Variants in ALKBH3 observed in about 807,000 individuals in gnomAD.
The protein encoded by ALKBH3 is alkB homolog 3, alpha-ketoglutarate dependent dioxygenase.
A neutral mutation model predicts 43.9 loss-of-function variants in ALKBH3; 51 were observed. The observed-to-expected ratio is 1.16, with a 90% CI of 0.93 to 1.47. The LOEUF (loss-of-function observed/expected upper bound fraction) is 1.47. Among genes scored for constraint, ALKBH3 ranks in the 40% most tolerant of loss-of-function variants. The pLI is 0.00. For missense variants in ALKBH3, 361 were observed against 351.9 expected (o/e 1.03, Z -0.21); for synonymous variants, 102 against 115.2 (o/e 0.89, Z 0.73).
chr11:43,919,907 T>TTTCCA lies in ALKBH3; in HGVS notation c.769-8_769-4dup. The TTTCCA allele has an allele frequency of 2.5e-6, 4 of 1,611,628 alleles. No individual in the cohort carries two copies. The highest frequency in any genetic ancestry group is 3.4e-6 in the Non-Finnish European group (4 of 1,177,724). ...TGTATTTATGTCAGAGTTATGTGTA[T>TTTCCA]TTCCATTTAGCATCGAGTGCCCAAA... On this transcript the variant is annotated splice_polypyrimidine_tract_variant and intron_variant, in intron 9 of 9. Coordinates refer to ENST00000302708, the MANE Select transcript of ALKBH3 (RefSeq NM_139178.4).
intron 5 of ALKBH3, among the ~76,000 whole-genome samples, chr11:43,887,066 C>A (rs1690892008): frequency 6.6e-6 from 1 of 152,008 alleles, no homozygotes; most frequent in Middle Eastern, 3.2e-3. Context: ...CAAAAGCGTA[C>A]CTATATAACA....
chr11:43,884,153 T>C lies in ALKBH3; in HGVS notation c.218+136T>C, dbSNP rs1951732348. ...AACTGTAGTCTGGGATATTCCCATCTCAAATGTCTTTAAACTTGATCTTTT... is the reference window on the plus strand; with the variant it reads ...AACTGTAGTCTGGGATATTCCCATCCCAAATGTCTTTAAACTTGATCTTTT... On this transcript the variant is annotated intron_variant, in intron 4 of 9. Transcript: ENST00000302708. The C allele has an allele frequency of 2.9e-6, 3 of 1,026,878 alleles. No homozygotes were observed. The African/African-American group carries it at 4.9e-5, about 17-fold the overall frequency. 63.6% of individuals were successfully genotyped at this position (1,026,878 alleles called of 1,614,324 possible). A position where few individuals can be genotyped will look rare whatever the true frequency, so the allele number is the denominator to read the frequency against.
At chr11:43,885,139 A>G (rs902957181) in intron 4 of ALKBH3, among the ~76,000 whole-genome samples, 4 of 152,190 alleles carry the variant, frequency 2.6e-5, no homozygotes, top group African/African-American at 9.7e-5. Context: ...GTTGTAAGCT[A>G]CAGATGTGAC....
At chr11:43,903,706 ACTGTT>A (rs1478113077) in intron 8 of ALKBH3, among the ~76,000 whole-genome samples, 10 of 152,148 alleles carry the variant, frequency 6.6e-5, no homozygotes, top group Non-Finnish European at 1.3e-4. Flanking sequence ...GTATTCAGTT[ACTGTT>A]TCTTTACACA....
At chr11:43,898,258 G>A (rs1161410212) in intron 7 of ALKBH3, 2 of 796,692 alleles carry the variant, frequency 2.5e-6, no homozygotes, top group East Asian at 2.4e-5. Context: ...AATTCCAAAA[G>A]ATGAGCATAT....
chr11:43,886,776 A>G (rs1951749513), intron 5 of ALKBH3, 123 bp downstream of exon 5: 1 of 934,482 alleles, frequency 1.1e-6, no homozygotes, highest in Non-Finnish European at 1.6e-6. Flanking sequence ...TGCAGCCATT[A>G]AAAGGAATGA....
chr11:43,917,972 TCTTTGTAAA>T (rs1951997199), intron 8 of ALKBH3, among the ~76,000 whole-genome samples: 1 of 152,192 alleles, frequency 6.6e-6, no homozygotes, highest in South Asian at 2.1e-4. Context: ...CTAGGGAAAA[TCTTTGTAAA>T]CAGTTAAGTT....
intron 7 of ALKBH3, chr11:43,897,995 C>T: frequency 3.6e-6 from 3 of 822,776 alleles, no homozygotes; most frequent in Admixed American, 1.7e-5. Context: ...ATCACGCCCT[C>T]TTCAGAGACA....
Position 43,901,694 on chromosome 11 carries a change from G to A in ALKBH3, c.638G>A (p.Arg213His), listed in dbSNP as rs776707628. The change falls in exon 8 of 10, where the codon CGC becomes CAC. Residue 213 changes from arginine (R) to histidine (H), a missense_variant. Physicochemically the swap from Arg to His is conservative, Grantham distance 29. Coordinates refer to ENST00000302708, the MANE Select transcript of ALKBH3 (RefSeq NM_139178.4). ...IIASLSFGAT[R>H]TFEMRKKPPP... ...GCTTCACTAAGTTTTGGTGCCACACGCACATTTGAGATGAGAAAGAAGCCA... is the reference window on the plus strand; with the variant it reads ...GCTTCACTAAGTTTTGGTGCCACACACACATTTGAGATGAGAAAGAAGCCA... 124 of 1,614,102 alleles carry A rather than the reference G, an allele frequency of 7.7e-5. No homozygotes were observed. The highest frequency in any genetic ancestry group is 3.3e-4 in the Middle Eastern group (2 of 6,084).
intron 7 of ALKBH3, chr11:43,898,424 A>G (rs1951835415): frequency 1.4e-6 from 1 of 732,544 alleles, no homozygotes; most frequent in East Asian, 2.5e-5. Context: ...GGAGGCTGGC[A>G]TCATCACGAC....
chr11:43,894,044 T>G (rs941351944), intron 7 of ALKBH3, among the ~76,000 whole-genome samples: 1 of 152,250 alleles, frequency 6.6e-6, no homozygotes, highest in Non-Finnish European at 1.5e-5. Flanking sequence ...CACTAATGTA[T>G]GTATATATAT....
intron 8 of ALKBH3, among the ~76,000 whole-genome samples, chr11:43,918,336 A>G (rs368311790): frequency 2.0e-5 from 3 of 152,352 alleles, no homozygotes; most frequent in East Asian, 3.9e-4. Context: ...AATACAAAGC[A>G]TTTGTATCCT....
chr11:43,899,237 A>C lies in ALKBH3; in HGVS notation c.460-2279A>C. On this transcript the variant is annotated intron_variant, in intron 7 of 9. Transcript: ENST00000302708. The stretch of plus-strand genomic sequence containing the variant: ...CTGGCAGTGGGGCCGTGACTACAGC[A>C]TGGTGGAATTGCCTCTGATCTGCAA... 6.8e-6 allele frequency: 5 copies of C among 740,410 alleles called. No homozygotes were observed. In the Admixed American group the frequency reaches 8.7e-5, roughly 13 times the overall value. 45.9% of individuals were successfully genotyped at this position (740,410 alleles called of 1,614,324 possible).
chr11:43,887,357 G>T (rs976401688), intron 5 of ALKBH3, among the ~76,000 whole-genome samples: 2 of 152,144 alleles, frequency 1.3e-5, no homozygotes, highest in African/African-American at 4.8e-5. Context: ...GCCCAGGCTG[G>T]AGTGCAATGG....
chr11:43,896,678 A>G (rs928249445), intron 7 of ALKBH3, among the ~76,000 whole-genome samples: 11 of 152,206 alleles, frequency 7.2e-5, no homozygotes, highest in Admixed American at 2.0e-4. Context: ...GTTGACATTC[A>G]GTATTAACCA....
intron 2 of ALKBH3, 53 bp from the exon 3 acceptor site, chr11:43,883,032 G>A (rs1951722426): frequency 1.4e-6 from 2 of 1,444,544 alleles, no homozygotes; most frequent in African/African-American, 1.4e-5. Flanking sequence ...TCAGTAGAAG[G>A]TGCTGAGAAC....
intron 7 of ALKBH3, chr11:43,897,243 C>G (rs1951825140): frequency 1.8e-6 from 1 of 547,388 alleles, no homozygotes; most frequent in South Asian, 1.4e-5. Flanking sequence ...GTTAGTGGAA[C>G]CGCGACTGCT....
chr11:43,901,456 C>A (rs1478552940), intron 7 of ALKBH3, 60 bp from the exon 8 acceptor site: 1 of 1,587,412 alleles, frequency 6.3e-7, no homozygotes, highest in Non-Finnish European at 8.6e-7. Flanking sequence ...TTTTTCCATG[C>A]GGCTGTCATT....
Position 43,899,223 on chromosome 11 carries a change from GC to G in ALKBH3, c.460-2291del. Reference sequence around the variant, plus strand: ...CTCATAGACAAAGTCTGGCAGTGGGGCCGTGACTACAGCATGGTGGAATTGC... The same window carrying G: ...CTCATAGACAAAGTCTGGCAGTGGGGCGTGACTACAGCATGGTGGAATTGC... On this transcript the variant is annotated intron_variant, in intron 7 of 9. Coordinates refer to ENST00000302708, the MANE Select transcript of ALKBH3 (RefSeq NM_139178.4). 3.1e-5 allele frequency: 23 copies of G among 750,730 alleles called. 1 individual carries two copies. In the South Asian group the frequency reaches 3.1e-4, roughly 10 times the overall value. The allele number at this position is 750,730 out of a possible 1,614,324, so 46.5% of individuals were successfully genotyped here.
Sources: gnomAD v4.1 joint callset for allele counts (sites outside exome capture counted in the v4.1 genomes callset) on GRCh38, gnomAD v4.1.1 for gene constraint, MANE v1.5 for transcripts, NCBI Gene and HGNC (gene_info 2026-07-23, HGNC 2026-07-21) for gene names.